RIMS1: variants seen among roughly 807,000 people sequenced by gnomAD.
The protein encoded by RIMS1 is regulating synaptic membrane exocytosis protein 1.
RIMS1 carries 83 observed loss-of-function variants against 214.1 expected under a neutral mutation model. The ratio of observed to expected loss-of-function variants is 0.39; its 90% confidence interval spans 0.32 to 0.47. The LOEUF (loss-of-function observed/expected upper bound fraction) is 0.47, where lower values mean the gene tolerates loss of function less well. Ranked by LOEUF, RIMS1 falls within the 20% of genes least tolerant of loss-of-function variation. The pLI is 0.99. For missense variants in RIMS1, 2,050 were observed against 2,161.8 expected (o/e 0.95, Z 1.03); for synonymous variants, 793 against 786.8 (o/e 1.01, Z -0.13).
chr6:72,019,603 A>G (rs1237457424), intron 2 of RIMS1, among the ~76,000 whole-genome samples: 3 of 152,196 alleles, frequency 2.0e-5, no homozygotes, highest in Non-Finnish European at 4.4e-5. Flanking sequence ...GGATTTTTGT[A>G]ATGTAATTTG....
chr6:72,243,379 C>G (rs2067868790), intron 10 of RIMS1, among the ~76,000 whole-genome samples: 1 of 151,518 alleles, frequency 6.6e-6, no homozygotes, highest in South Asian at 2.1e-4. Flanking sequence ...ATATAAAACT[C>G]TAAAATAAAG....
chr6:72,388,107 A>C (rs1224976464), intron 29 of RIMS1, among the ~76,000 whole-genome samples: 1 of 152,230 alleles, frequency 6.6e-6, no homozygotes, highest in African/African-American at 2.4e-5. Flanking sequence ...ATAGAAATTA[A>C]ATTCTAATTG....
At chr6:71,992,372 C>A (rs1801843627) in intron 2 of RIMS1, among the ~76,000 whole-genome samples, 2 of 151,352 alleles carry the variant, frequency 1.3e-5, no homozygotes, top group South Asian at 4.2e-4. Flanking sequence ...TTTCCTTTTT[C>A]TTTCTTTGCT....
At chr6:72,084,272 A>G (rs1353212495) in intron 2 of RIMS1, among the ~76,000 whole-genome samples, 2 of 152,164 alleles carry the variant, frequency 1.3e-5, no homozygotes, top group African/African-American at 2.4e-5. Flanking sequence ...GATGATCCCA[A>G]TATTACCTAT....
intron 6 of RIMS1, among the ~76,000 whole-genome samples, chr6:72,188,621 A>T (rs556424302): frequency 6.8e-6 from 1 of 147,828 alleles, no homozygotes; most frequent in South Asian, 2.2e-4. Flanking sequence ...ACTACCTTCT[A>T]CTACCCATTC....
intron 1 of RIMS1, among the ~76,000 whole-genome samples, chr6:71,962,529 A>G (rs1179768452): frequency 6.6e-6 from 1 of 152,296 alleles, no homozygotes; most frequent in East Asian, 1.9e-4. Context: ...GTTTGTGATT[A>G]GTACATCTGG....
intron 6 of RIMS1, among the ~76,000 whole-genome samples, chr6:72,209,249 T>C (rs1274573840): frequency 2.0e-5 from 3 of 152,212 alleles, no homozygotes; most frequent in African/African-American, 7.2e-5. Flanking sequence ...TTTAACCTTT[T>C]AAATTTTTCC....
intron 4 of RIMS1, among the ~76,000 whole-genome samples, chr6:72,162,863 G>A (rs1421340848): frequency 7.2e-6 from 1 of 138,982 alleles, no homozygotes; most frequent in Non-Finnish European, 1.6e-5. Context: ...ACAATTATGT[G>A]TCTTGGAGTT....
intron 2 of RIMS1, among the ~76,000 whole-genome samples, chr6:72,076,818 C>G (rs75315240): frequency 0.012 from 1,758 of 152,262 alleles, 11 homozygotes; most frequent in Non-Finnish European, 0.018. Flanking sequence ...TTTCAAAGAA[C>G]CATGTGGCTT....
At chr6:72,383,565 G>A (rs2098530694) in intron 29 of RIMS1, among the ~76,000 whole-genome samples, 1 of 149,924 alleles carries the variant, frequency 6.7e-6, no homozygotes, top group East Asian at 1.9e-4. Context: ...CTTGAGGCCA[G>A]GGGTTGAAGA....
At chr6:72,330,161 G>A (rs1042077514) in intron 28 of RIMS1, among the ~76,000 whole-genome samples, 10 of 151,854 alleles carry the variant, frequency 6.6e-5, no homozygotes, top group African/African-American at 2.4e-4. Context: ...CAAGACAAGG[G>A]AATCAAATTC....
At chr6:72,232,742 G>A (rs2062476844) in intron 6 of RIMS1, among the ~76,000 whole-genome samples, 1 of 151,644 alleles carries the variant, frequency 6.6e-6, no homozygotes, top group Non-Finnish European at 1.5e-5. Context: ...TGAAGTGTAT[G>A]GAATTGAAGT....
chr6:72,128,914 A>T (rs1259852547), intron 4 of RIMS1, among the ~76,000 whole-genome samples: 4 of 152,188 alleles, frequency 2.6e-5, no homozygotes, highest in Non-Finnish European at 2.9e-5. Flanking sequence ...TGAGAATAAT[A>T]TTCATCTTTA....
intron 2 of RIMS1, among the ~76,000 whole-genome samples, chr6:72,091,701 G>GA (rs1011099096): frequency 3.3e-5 from 5 of 151,418 alleles, no homozygotes; most frequent in South Asian, 2.1e-4. Context: ...GTGAAACAAT[G>GA]AAAAAAAACA....
rs140514868 is a variant in RIMS1, at chr6:72,396,329, T to C, written c.4619-1920T>C. Among the ~76,000 whole-genome samples, 20 of 152,312 alleles carry C rather than the reference T, an allele frequency of 1.3e-4. No individual in the cohort carries two copies. In the East Asian group the frequency reaches 3.1e-3, roughly 23 times the overall value. On this transcript the variant is annotated intron_variant, in intron 31 of 33. Transcript: ENST00000521978. Reference sequence around the variant, plus strand: ...GTATTTGCACATCAGATTGTCCAAATTGTTTAAATCTTTTAATATAAGTAG... The same window carrying C: ...GTATTTGCACATCAGATTGTCCAAACTGTTTAAATCTTTTAATATAAGTAG...
Position 71,984,743 on chromosome 6 carries a change from G to GTGTATGTATGTA in RIMS1, c.245+15697_245+15708dup, listed in dbSNP as rs68138613. On this transcript the variant is annotated intron_variant, in intron 2 of 33. Transcript: ENST00000521978. ...AACCTTCATATCTATGTATCCATCTGTGTATGTATGTATGTATGTATGTAT... is the reference window on the plus strand; with the variant it reads ...AACCTTCATATCTATGTATCCATCTGTGTATGTATGTATGTATGTATGTATGTATGTATGTAT... Among the ~76,000 whole-genome samples, 621 of 149,036 alleles carry GTGTATGTATGTA rather than the reference G, an allele frequency of 4.2e-3. 9 individuals are homozygous for GTGTATGTATGTA. Among genetic ancestry groups the GTGTATGTATGTA allele is most frequent in the African/African-American group, 0.014 (544 of 40,252 alleles).
intron 1 of RIMS1, among the ~76,000 whole-genome samples, chr6:71,955,526 T>A (rs1381629595): frequency 6.6e-6 from 1 of 152,138 alleles, no homozygotes; most frequent in Non-Finnish European, 1.5e-5. Context: ...CTTGGGTAAA[T>A]ATTGAGAAAT....
intron 27 of RIMS1, among the ~76,000 whole-genome samples, chr6:72,312,882 A>G (rs1186538527): frequency 6.6e-6 from 1 of 152,208 alleles, no homozygotes; most frequent in Non-Finnish European, 1.5e-5. Context: ...CAGTCTATAC[A>G]GGTCAAGTAT....
intron 1 of RIMS1, among the ~76,000 whole-genome samples, chr6:71,906,512 T>C (rs1374813793): frequency 6.6e-6 from 1 of 152,150 alleles, no homozygotes; most frequent in East Asian, 1.9e-4. Context: ...TAGTAAATGT[T>C]CCACAGAACT....
Sources: gnomAD v4.1 joint callset for allele counts (sites outside exome capture counted in the v4.1 genomes callset) on GRCh38, gnomAD v4.1.1 for gene constraint, MANE v1.5 for transcripts, NCBI Gene and HGNC (gene_info 2026-07-23, HGNC 2026-07-21) for gene names.